Variants in GLIS3 observed in about 807,000 individuals in gnomAD.
The protein encoded by GLIS3 is GLIS family zinc finger 3, also known as zinc finger protein GLIS3.
Under a neutral mutation model 78.6 loss-of-function variants are expected in GLIS3, and 53 were observed. That is an observed-to-expected ratio of 0.67 (90% CI 0.54 to 0.85). The LOEUF (loss-of-function observed/expected upper bound fraction) is 0.85. Among genes scored for constraint, GLIS3 ranks in the 40% least tolerant of loss-of-function variants. GLIS3 has a pLI of 0.00. For missense variants in GLIS3, 1,703 were observed against 1,231.1 expected (o/e 1.38, Z -5.74); for synonymous variants, 684 against 509.9 (o/e 1.34, Z -4.60).
At chr9:4,097,968 G>C (rs536381996) in intron 4 of GLIS3, among the ~76,000 whole-genome samples, 32 of 152,050 alleles carry the variant, frequency 2.1e-4, no homozygotes, top group Non-Finnish European at 4.1e-4. Flanking sequence ...TTTGGTATTT[G>C]TCATATTACT....
At chr9:4,354,293 G>T in the GLIS3 span, among the ~76,000 whole-genome samples, 1 of 152,142 alleles carries the variant, frequency 6.6e-6, no homozygotes, top group Non-Finnish European at 1.5e-5. Flanking sequence ...ACCTTTTTGT[G>T]TGTTTGAATG....
Position 3,932,881 on chromosome 9 carries a change from A to G in GLIS3, c.1873-411T>C, listed in dbSNP as rs943478332. ...AAGGGTTCAGGTAAAGAAGCTGTAG[A>G]AAGTCCAGAAAAAAACTGGGTATTT... On this transcript the variant is annotated intron_variant, in intron 5 of 10. Transcript: ENST00000381971. 5 of 339,524 alleles carry G rather than the reference A, an allele frequency of 1.5e-5. No homozygotes were observed. In the East Asian group the frequency reaches 2.3e-4, roughly 15 times the overall value. The allele number at this position is 339,524 out of a possible 1,614,324, so 21.0% of individuals were successfully genotyped here.
At chr9:4,045,000 G>A (rs1436479991) in intron 4 of GLIS3, among the ~76,000 whole-genome samples, 1 of 152,158 alleles carries the variant, frequency 6.6e-6, no homozygotes, top group Non-Finnish European at 1.5e-5. Flanking sequence ...GGTAGTGCAG[G>A]CATAAAAAAC....
intron 2 of GLIS3, among the ~76,000 whole-genome samples, chr9:4,149,087 C>T (rs1321472110): frequency 6.6e-6 from 1 of 152,148 alleles, no homozygotes; most frequent in African/African-American, 2.4e-5. Context: ...ATCATGCTTC[C>T]TCACCAAGAA....
intron 4 of GLIS3, among the ~76,000 whole-genome samples, chr9:4,088,453 G>C (rs1372637692): frequency 6.6e-6 from 1 of 152,346 alleles, no homozygotes; most frequent in Non-Finnish European, 1.5e-5. Context: ...GCCAACAGAA[G>C]TACAATCCTC....
chr9:4,445,497 G>A, the GLIS3 span, among the ~76,000 whole-genome samples: 87 of 152,244 alleles, frequency 5.7e-4, no homozygotes, highest in African/African-American at 2.0e-3. Context: ...AGCTAGGCAT[G>A]GTGGCACATG....
At chr9:3,949,138 A>G (rs547047155) in intron 4 of GLIS3, among the ~76,000 whole-genome samples, 17 of 152,208 alleles carry the variant, frequency 1.1e-4, no homozygotes, top group Non-Finnish European at 2.1e-4. Context: ...GAGATAAGAA[A>G]AAGAACATGT....
At chr9:4,193,502 A>T (rs1047162605) in intron 2 of GLIS3, among the ~76,000 whole-genome samples, 1 of 152,360 alleles carries the variant, frequency 6.6e-6, no homozygotes, top group Admixed American at 6.5e-5. Flanking sequence ...GATCAGTAAG[A>T]TGGCTTCTGT....
At chr9:4,356,031 C>A in the GLIS3 span, among the ~76,000 whole-genome samples, 2 of 152,094 alleles carry the variant, frequency 1.3e-5, no homozygotes, top group African/African-American at 2.4e-5. Context: ...ATTAGTTAGT[C>A]AAAAAATATA....
chr9:4,392,850 T>G, the GLIS3 span, among the ~76,000 whole-genome samples: 1 of 152,080 alleles, frequency 6.6e-6, no homozygotes, highest in African/African-American at 2.4e-5. Context: ...TACACATAGA[T>G]GCCCTTTGCC....
chr9:4,391,410 TTAA>T, the GLIS3 span, among the ~76,000 whole-genome samples: 1 of 152,192 alleles, frequency 6.6e-6, no homozygotes, highest in Non-Finnish European at 1.5e-5. Flanking sequence ...TTCTTTTGGA[TTAA>T]TAACAGTAGA....
intron 1 of GLIS3, among the ~76,000 whole-genome samples, chr9:4,288,545 C>G (rs1389799206): frequency 2.0e-5 from 3 of 151,906 alleles, no homozygotes; most frequent in African/African-American, 7.3e-5. Context: ...ATCAAAAAAT[C>G]TGGATAAAAA....
chr9:4,144,397 A>G (rs10974347), intron 2 of GLIS3, among the ~76,000 whole-genome samples: 55,094 of 151,718 alleles, frequency 0.36, 10,351 homozygotes, highest in South Asian at 0.45. Flanking sequence ...GGGCGAGGGA[A>G]AAAAAGGCCA....
At chr9:4,047,393 T>C (rs1420123808) in intron 4 of GLIS3, among the ~76,000 whole-genome samples, 6 of 152,320 alleles carry the variant, frequency 3.9e-5, no homozygotes, top group African/African-American at 1.2e-4. Context: ...GGTAATCTTT[T>C]AAGGTCCTTT....
At chr9:4,178,580 T>C (rs966491441) in intron 2 of GLIS3, among the ~76,000 whole-genome samples, 5 of 152,244 alleles carry the variant, frequency 3.3e-5, no homozygotes, top group South Asian at 2.1e-4. Flanking sequence ...GACCTACATA[T>C]ACCTTAGCTA....
chr9:3,841,535 C>A (rs771220322), intron 9 of GLIS3, among the ~76,000 whole-genome samples: 1 of 152,142 alleles, frequency 6.6e-6, no homozygotes, highest in Non-Finnish European at 1.5e-5. Context: ...GATTCAGTGC[C>A]CAGCTACCCA....
the GLIS3 span, among the ~76,000 whole-genome samples, chr9:4,375,214 A>G: frequency 2.0e-5 from 3 of 152,306 alleles, no homozygotes; most frequent in Admixed American, 2.0e-4. Flanking sequence ...GTTTGAAGGG[A>G]AGGGGAGTTA....
At chr9:3,832,387 A>G (rs758093396) in intron 9 of GLIS3, among the ~76,000 whole-genome samples, 4 of 152,188 alleles carry the variant, frequency 2.6e-5, no homozygotes, top group African/African-American at 4.8e-5. Context: ...AGCAGCAGGT[A>G]TGTGGCATAC....
intron 4 of GLIS3, among the ~76,000 whole-genome samples, chr9:4,067,441 G>T (rs1313453778): frequency 6.6e-6 from 1 of 152,020 alleles, no homozygotes; most frequent in Non-Finnish European, 1.5e-5. Context: ...CTCCTTTATA[G>T]GAGTGAACAA....
Sources: gnomAD v4.1 joint callset for allele counts (sites outside exome capture counted in the v4.1 genomes callset) on GRCh38, gnomAD v4.1.1 for gene constraint, MANE v1.5 for transcripts, NCBI Gene and HGNC (gene_info 2026-07-23, HGNC 2026-07-21) for gene names.